The following NKD1 variants were observed in gnomAD, a reference collection of about 807,000 sequenced individuals.
NKD1 encodes the protein NKD inhibitor of Wnt signaling pathway 1.
NKD1 carries 21 observed loss-of-function variants against 56.0 expected under a neutral mutation model. The ratio of observed to expected loss-of-function variants is 0.38; its 90% CI spans 0.27 to 0.54. The LOEUF (loss-of-function observed/expected upper bound fraction) is 0.54. NKD1 is among the 20% of genes least tolerant of loss of function. The pLI, the probability that NKD1 is intolerant of heterozygous loss-of-function variation, is 0.82. For synonymous variants in NKD1, 263 were observed against 265.7 expected (o/e 0.99, Z 0.10); for missense variants, 578 against 642.7 (o/e 0.90, Z 1.09).
At chr16:50,620,332 T>G (rs1037524625) in intron 4 of NKD1, among the ~76,000 whole-genome samples, 1 of 152,184 alleles carries the variant, frequency 6.6e-6, no homozygotes, top group Non-Finnish European at 1.5e-5. Context: ...TGTGTGAGTG[T>G]GGTGGGAGTG....
At chr16:50,566,646 G>T (rs1287750821) in intron 3 of NKD1, among the ~76,000 whole-genome samples, 1 of 152,222 alleles carries the variant, frequency 6.6e-6, no homozygotes, top group African/African-American at 2.4e-5. Flanking sequence ...CCTGGTCCCT[G>T]GAATCAGAAT....
At chr16:50,588,908 A>G (rs1416925290) in intron 3 of NKD1, among the ~76,000 whole-genome samples, 4 of 151,944 alleles carry the variant, frequency 2.6e-5, no homozygotes, top group African/African-American at 9.7e-5. Context: ...CTGGCCTCAT[A>G]TTTCTTAACT....
intron 7 of NKD1, 97 bp downstream of exon 7, chr16:50,630,430 T>G: frequency 1.4e-6 from 2 of 1,393,474 alleles, no homozygotes. Context: ...CTGTGGGCTT[T>G]CTGGGGCAGC....
intron 3 of NKD1, among the ~76,000 whole-genome samples, chr16:50,563,404 A>G (rs1960687095): frequency 6.8e-6 from 1 of 148,118 alleles, no homozygotes; most frequent in Non-Finnish European, 1.5e-5. Flanking sequence ...GCTAAACTCC[A>G]TCCTCAGTGG....
Position 50,636,552 on chromosome 16 carries a change from T to G in NKD1, c.*2771T>G, listed in dbSNP as rs1962472269. The G allele has an allele frequency of 6.6e-6, 1 of 152,204 alleles. No individual in the cohort carries two copies. Among genetic ancestry groups the G allele is most frequent in the African/African-American group, 2.4e-5 (1 of 41,462 alleles). 9.4% of individuals were successfully genotyped at this position (152,204 alleles called of 1,614,324 possible). ...AATGTAGGGGTTGTGAGCACAGACT[T>G]TGGTGCCAGTTTGCTAGGTTCGAAT... On this transcript the variant is annotated 3_prime_UTR_variant, in exon 10 of 10. Transcript: ENST00000268459.
At position 50,604,393 on chromosome 16, in the gene NKD1, C is replaced by T. The variant is rs150848572; in HGVS notation, c.193-3901C>T. Among the ~76,000 whole-genome samples the T allele has an allele frequency of 3.3e-3, 508 of 152,308 alleles. 6 individuals carry two copies. Among genetic ancestry groups the T allele is most frequent in the African/African-American group, 0.011 (476 of 41,546 alleles). The stretch of plus-strand genomic sequence containing the variant: ...ATGTTTCCAGGTGTCTGTGAGGGCA[C>T]CTGGGGTCTGGCGAGTCTCTCGGCT... On this transcript the variant is annotated intron_variant, in intron 3 of 9. Transcript: ENST00000268459.
chr16:50,580,557 C>T (rs76226005), intron 3 of NKD1, among the ~76,000 whole-genome samples: 351 of 152,338 alleles, frequency 2.3e-3, no homozygotes, highest in Middle Eastern at 3.4e-3. Context: ...CAGCACCAGT[C>T]GAATGAGCGT....
chr16:50,586,527 G>A (rs76528242), intron 3 of NKD1, among the ~76,000 whole-genome samples: 1,708 of 152,074 alleles, frequency 0.011, 21 homozygotes, highest in African/African-American at 0.039. Context: ...TTAATAATAG[G>A]CCCCATCTTC....
intron 4 of NKD1, among the ~76,000 whole-genome samples, chr16:50,619,737 T>C (rs1455120679): frequency 6.6e-6 from 1 of 152,190 alleles, no homozygotes; most frequent in Non-Finnish European, 1.5e-5. Context: ...AAGGGGTTGG[T>C]AGCTTCCTCA....
In NKD1 at chr16:50,562,989, C is replaced by G. The variant is rs56176219; in HGVS notation, c.192+13434C>G. On this transcript the variant is annotated intron_variant, in intron 3 of 9. Coordinates refer to ENST00000268459, the MANE Select transcript of NKD1 (RefSeq NM_033119.5). The stretch of plus-strand genomic sequence containing the variant: ...AGGGCTGCTAGGTCCCACCACCACC[C>G]CCCCCCCCCGCCGTAGAATGGGTAG... Among the ~76,000 whole-genome samples the G allele has an allele frequency of 1.0e-3, 124 of 119,642 alleles. 8 individuals are homozygous for G. Among genetic ancestry groups the G allele is most frequent in the East Asian group, 3.8e-3 (17 of 4,502 alleles). 78.5% of individuals were successfully genotyped at this position (119,642 alleles called of 152,430 possible).
intron 3 of NKD1, among the ~76,000 whole-genome samples, chr16:50,570,069 G>A (rs1960848863): frequency 6.6e-6 from 1 of 152,110 alleles, no homozygotes; most frequent in African/African-American, 2.4e-5. Context: ...GGAAAAGTAT[G>A]TCAACTTTTT....
chr16:50,614,357 C>T (rs184468167), intron 4 of NKD1, among the ~76,000 whole-genome samples: 2 of 152,234 alleles, frequency 1.3e-5, no homozygotes, highest in East Asian at 3.9e-4. Flanking sequence ...GTCATGGACA[C>T]ATGCACGCAC....
At chr16:50,593,929 C>T (rs927976773) in intron 3 of NKD1, among the ~76,000 whole-genome samples, 2 of 152,100 alleles carry the variant, frequency 1.3e-5, no homozygotes, top group African/African-American at 2.4e-5. Context: ...AGGAAGGGGG[C>T]GCTGGAGACC....
intron 3 of NKD1, among the ~76,000 whole-genome samples, chr16:50,593,591 G>A (rs1324603785): frequency 1.3e-5 from 2 of 152,170 alleles, no homozygotes; most frequent in African/African-American, 4.8e-5. Flanking sequence ...CATGGCTGGC[G>A]TGGTGCGAAG....
chr16:50,585,366 GC>G (rs888548950), intron 3 of NKD1, among the ~76,000 whole-genome samples: 69 of 152,296 alleles, frequency 4.5e-4, no homozygotes, highest in African/African-American at 1.6e-3. Flanking sequence ...AGGAGAAGGC[GC>G]CCGGCAGCTG....
In NKD1 at chr16:50,632,234, C is replaced by G; in HGVS notation, c.696-47C>G. On this transcript the variant is annotated intron_variant, in intron 8 of 9. Coordinates refer to ENST00000268459, the MANE Select transcript of NKD1 (RefSeq NM_033119.5). This position sits in a 1 kb window ranked among gnomAD's most constrained non-coding sequence, Gnocchi z 4.1. ...TCCTAGTAGCCTATGCGCTTGCCCCCACCTGGTGGTTGGTGTTATCCCACT... is the reference window on the plus strand; with the variant it reads ...TCCTAGTAGCCTATGCGCTTGCCCCGACCTGGTGGTTGGTGTTATCCCACT... 1.9e-6 allele frequency: 3 copies of G among 1,607,282 alleles called. No individual in the cohort carries two copies. Among genetic ancestry groups the G allele is most frequent in the Non-Finnish European group, 2.6e-6 (3 of 1,174,952 alleles).
intron 3 of NKD1, chr16:50,553,484 G>T (rs1028349623): frequency 1.3e-5 from 2 of 152,206 alleles, no homozygotes; most frequent in African/African-American, 4.8e-5. Context: ...GAGAAGATGA[G>T]GAGGGTGCAG....
At position 50,632,128 on chromosome 16, in the gene NKD1, G is replaced by T. The variant is rs533226229; in HGVS notation, c.696-153G>T. Among the ~76,000 whole-genome samples the T allele has an allele frequency of 3.3e-5, 5 of 152,208 alleles. No homozygotes were observed. Among genetic ancestry groups the T allele is most frequent in the African/African-American group, 1.2e-4 (5 of 41,448 alleles). On this transcript the variant is annotated intron_variant, in intron 8 of 9. Transcript: ENST00000268459. The surrounding 1 kb of genome is among the most constrained non-coding windows in gnomAD (Gnocchi z 4.1). ...AAGGAGGGAAATGGAGGCACAGTTC[G>T]TATAGAGGACTGTTCCTCCCCACCC...
intron 3 of NKD1, among the ~76,000 whole-genome samples, chr16:50,568,827 T>G (rs1462369277): frequency 6.6e-6 from 1 of 152,128 alleles, no homozygotes; most frequent in African/African-American, 2.4e-5. Flanking sequence ...CTTTGTGTGT[T>G]AGGACTGGGT....
Sources: allele counts gnomAD v4.1 joint callset (sites outside exome capture counted in the v4.1 genomes callset), GRCh38; gene constraint gnomAD v4.1.1; non-coding constraint Gnocchi (gnomAD v3.1); transcripts MANE v1.5; gene names NCBI Gene and HGNC (gene_info 2026-07-23, HGNC 2026-07-21).